The following CNTNAP2 variants were observed in gnomAD, a reference collection of about 807,000 sequenced individuals.
The protein encoded by CNTNAP2 is contactin associated protein 2.
In CNTNAP2, 98 loss-of-function variants were observed where a neutral mutation model predicts 155.2. That is an observed-to-expected ratio of 0.63 (90% CI 0.54 to 0.75). The LOEUF is 0.75. Ranked by LOEUF, CNTNAP2 falls within the 30% of genes least tolerant of loss-of-function variation. CNTNAP2 has a pLI of 0.00. For synonymous variants in CNTNAP2, 651 were observed against 631.2 expected (o/e 1.03, Z -0.47); for missense variants, 1,727 against 1,688.1 (o/e 1.02, Z -0.40).
rs149955341 is a variant in CNTNAP2 at position 147,586,179 on chromosome 7, G to C, written c.1897+23922G>C. On this transcript the variant is annotated intron_variant, in intron 12 of 23. Transcript: ENST00000361727. Reference sequence around the variant, plus strand: ...CAAGAGAAAGCAATGTCTGGGTTACGTTAAGGGGTTGTGGAGACAAAGGTT... The same window carrying C: ...CAAGAGAAAGCAATGTCTGGGTTACCTTAAGGGGTTGTGGAGACAAAGGTT... 3.7e-3 allele frequency among the ~76,000 whole-genome samples: 564 copies of C among 152,232 alleles called. 1 individual carries two copies. Among genetic ancestry groups the C allele is most frequent in the African/African-American group, 0.012 (514 of 41,538 alleles).
At chr7:147,782,010 A>G (rs1243152008) in intron 13 of CNTNAP2, among the ~76,000 whole-genome samples, 1 of 144,334 alleles carries the variant, frequency 6.9e-6, no homozygotes, top group African/African-American at 2.7e-5. Context: ...GCGACAGAGC[A>G]AGATTCCGTT....
chr7:147,324,741 A>T (rs2620466), intron 9 of CNTNAP2, among the ~76,000 whole-genome samples: 1 of 151,596 alleles, frequency 6.6e-6, no homozygotes, highest in Non-Finnish European at 1.5e-5. Flanking sequence ...AATATCTTTT[A>T]AACTACTTGT....
At chr7:146,950,484 CCT>C (rs1482386875) in intron 3 of CNTNAP2, among the ~76,000 whole-genome samples, 9 of 152,054 alleles carry the variant, frequency 5.9e-5, no homozygotes, top group Non-Finnish European at 1.2e-4. Flanking sequence ...GTGATCTTCC[CCT>C]CTCTGTGTCC....
intron 3 of CNTNAP2, among the ~76,000 whole-genome samples, chr7:146,863,462 A>G (rs889530721): frequency 3.3e-5 from 5 of 152,116 alleles, no homozygotes. Context: ...AACATTAGTC[A>G]AATGTCCACA....
intron 1 of CNTNAP2, among the ~76,000 whole-genome samples, chr7:146,198,631 G>A (rs1272359766): frequency 6.6e-6 from 1 of 152,146 alleles, no homozygotes; most frequent in African/African-American, 2.4e-5. Flanking sequence ...TATCTTAAAT[G>A]TTATACAAAG....
intron 4 of CNTNAP2, among the ~76,000 whole-genome samples, chr7:147,107,351 T>C (rs1800787085): frequency 6.6e-6 from 1 of 152,150 alleles, no homozygotes; most frequent in African/African-American, 2.4e-5. Context: ...TATTTCCCAT[T>C]TTTTAAAAAG....
At chr7:147,357,006 C>G (rs988234054) in intron 9 of CNTNAP2, among the ~76,000 whole-genome samples, 1 of 152,028 alleles carries the variant, frequency 6.6e-6, no homozygotes, top group African/African-American at 2.4e-5. Flanking sequence ...ATATCCTTGT[C>G]TTTCATTCAA....
At chr7:146,721,118 C>T (rs1429792197) in intron 1 of CNTNAP2, among the ~76,000 whole-genome samples, 2 of 128,632 alleles carry the variant, frequency 1.6e-5, no homozygotes, top group African/African-American at 6.1e-5. Context: ...TATATTCTCT[C>T]TATATATCCT....
intron 14 of CNTNAP2, among the ~76,000 whole-genome samples, chr7:147,943,765 T>C (rs1800769304): frequency 5.0e-5 from 1 of 20,008 alleles, no homozygotes; most frequent in Non-Finnish European, 9.3e-5. Flanking sequence ...AGACCCCGTC[T>C]CAAAAAAAAA....
chr7:147,523,667 C>A (rs1346995315), intron 11 of CNTNAP2, among the ~76,000 whole-genome samples: 2 of 152,266 alleles, frequency 1.3e-5, no homozygotes, highest in Admixed American at 6.5e-5. Flanking sequence ...ATCAGGGCAT[C>A]CTGAACTGCA....
At chr7:146,862,046 C>A (rs1029614211) in intron 3 of CNTNAP2, among the ~76,000 whole-genome samples, 3 of 152,000 alleles carry the variant, frequency 2.0e-5, no homozygotes, top group Non-Finnish European at 2.9e-5. Flanking sequence ...CTAACATGCC[C>A]ATTTTACCAG....
At chr7:146,146,721 TGCC>T (rs1797963046) in intron 1 of CNTNAP2, among the ~76,000 whole-genome samples, 1 of 152,156 alleles carries the variant, frequency 6.6e-6, no homozygotes, top group African/African-American at 2.4e-5. Context: ...CGGGGGCAAA[TGCC>T]TTAAACATTT....
chr7:148,392,080 GTTA>G (rs759848474), intron 22 of CNTNAP2, among the ~76,000 whole-genome samples: 1 of 151,992 alleles, frequency 6.6e-6, no homozygotes, highest in South Asian at 2.1e-4. Context: ...AGTTGTTGTT[GTTA>G]TTATTATTTG....
chr7:147,457,026 C>A (rs1797927953), intron 10 of CNTNAP2, among the ~76,000 whole-genome samples: 1 of 152,128 alleles, frequency 6.6e-6, no homozygotes, highest in Non-Finnish European at 1.5e-5. Context: ...TTAAAAGTTA[C>A]AAAGTAGTCA....
At chr7:147,554,695 G>A (rs1403431843) in intron 11 of CNTNAP2, among the ~76,000 whole-genome samples, 1 of 152,076 alleles carries the variant, frequency 6.6e-6, no homozygotes, top group African/African-American at 2.4e-5. Context: ...GAAATTATAT[G>A]CAGGGAAAGA....
At chr7:146,905,582 A>G (rs992709197) in intron 3 of CNTNAP2, among the ~76,000 whole-genome samples, 2 of 152,156 alleles carry the variant, frequency 1.3e-5, no homozygotes, top group African/African-American at 4.8e-5. Context: ...CACAGAGACT[A>G]GCTTTCCCCA....
chr7:146,177,460 T>G (rs542747089), intron 1 of CNTNAP2, among the ~76,000 whole-genome samples: 1 of 152,296 alleles, frequency 6.6e-6, no homozygotes, highest in African/African-American at 2.4e-5. Flanking sequence ...TCCCAGAATG[T>G]GATGTATTTT....
intron 21 of CNTNAP2, among the ~76,000 whole-genome samples, chr7:148,363,114 T>A (rs540840018): frequency 6.6e-6 from 1 of 152,314 alleles, no homozygotes; most frequent in African/African-American, 2.4e-5. Flanking sequence ...CCCGAGTAGC[T>A]GGGATCACAG....
intron 12 of CNTNAP2, among the ~76,000 whole-genome samples, chr7:147,605,613 C>T (rs1801045564): frequency 6.6e-6 from 1 of 152,100 alleles, no homozygotes; most frequent in Non-Finnish European, 1.5e-5. Flanking sequence ...GATATAAATC[C>T]ATCTTCCCTA....
Sources: allele counts gnomAD v4.1 joint callset (sites outside exome capture counted in the v4.1 genomes callset), GRCh38; gene constraint gnomAD v4.1.1; transcripts MANE v1.5; gene names NCBI Gene and HGNC (gene_info 2026-07-23, HGNC 2026-07-21).